The following CENPF variants were observed in gnomAD, a reference collection of about 807,000 sequenced individuals.
CENPF encodes AH antigen.
CENPF carries 214 observed loss-of-function variants against 307.3 expected under a neutral mutation model. The observed-to-expected ratio is 0.70, with a 90% CI of 0.62 to 0.78. The LOEUF (loss-of-function observed/expected upper bound fraction) is 0.78, where lower values mean the gene tolerates loss of function less well. CENPF is among the 30% of genes least tolerant of loss of function. CENPF has a pLI of 0.00. For missense variants in CENPF, 3,401 were observed against 3,483.9 expected, an observed-to-expected ratio of 0.98 and a Z score of 0.60; for synonymous variants, 1,259 against 1,270.6, an observed-to-expected ratio of 0.99 and a Z score of 0.19.
rs1384795134 is a variant in CENPF at position 214,641,822 on chromosome 1, A to G, written c.3484A>G (p.Thr1162Ala). ...TGAACAGCTGATGAAGGTAATGAAG[A>G]CTAAACATGAATGTCAAAATCTAGA... ...ENEQLMKVMK[T>A]KHECQNLESE... is the part of the protein sequence containing the mutation. Residue 1162 changes from threonine (T) to alanine (A), a missense_variant, in exon 12 of 20, where the codon ACT becomes GCT. Physicochemically the swap from Thr to Ala is moderately conservative, Grantham distance 58. Coordinates refer to ENST00000366955, the MANE Select transcript of CENPF (RefSeq NM_016343.4). 6.2e-7 allele frequency: 1 copy of G among 1,608,978 alleles called. No individual in the cohort carries two copies. Among genetic ancestry groups the G allele is most frequent in the South Asian group, 1.1e-5 (1 of 89,430 alleles).
rs187185506 is a variant in CENPF at position 214,647,933 on chromosome 1, T to C, written c.7830+533T>C. On this transcript the variant is annotated intron_variant, in intron 13 of 19. Coordinates refer to ENST00000366955, the MANE Select transcript of CENPF (RefSeq NM_016343.4). ...GATTTCGTGCTTTCAGTCCCTCTTA[T>C]ACCTTCTCTTTGTGCAGTCTTCTAT... 6.9e-4 allele frequency: 339 copies of C among 488,668 alleles called. 1 individual carries two copies. The highest frequency in any genetic ancestry group is 1.1e-3 in the Non-Finnish European group (271 of 242,272). The allele number at this position is 488,668 out of a possible 1,614,324, so 30.3% of individuals were successfully genotyped here. A position where few individuals can be genotyped will look rare whatever the true frequency, so the allele number is the denominator to read the frequency against.
chr1:214,645,492 C>G lies in CENPF; in HGVS notation c.5922C>G (p.Thr1974=), dbSNP rs368250246. The change falls in exon 13 of 20, where the codon ACC becomes ACG. Residue 1974 remains threonine, a synonymous_variant. Coordinates refer to ENST00000366955, the MANE Select transcript of CENPF (RefSeq NM_016343.4). ...AATTAGATACTATGTCAAAAAAAAC[C>G]ACGGCACTGGATCAGTTGTCTGAAA... ...RGELDTMSKK[T]TALDQLSEKM... 92 of 1,613,620 alleles carry G rather than the reference C, an allele frequency of 5.7e-5. 1 individual carries two copies. Among genetic ancestry groups the G allele is most frequent in the Middle Eastern group, 3.3e-4 (2 of 6,084 alleles).
In CENPF at chr1:214,647,055, T is replaced by G; in HGVS notation, c.7485T>G (p.Asn2495Lys). The change falls in exon 13 of 20, where the codon AAT becomes AAG. Residue 2495 changes from asparagine (N) to lysine (K), a missense_variant. Physicochemically the swap from Asn to Lys is moderately conservative, Grantham distance 94. Coordinates refer to ENST00000366955, the MANE Select transcript of CENPF (RefSeq NM_016343.4). ...AAGGCCTTGATGAGGCCAAAAATAA[T>G]TATATTGTTTTGCAATCTTCAGTGA... ...LLQGLDEAKN[N>K]YIVLQSSVNG... is the part of the protein sequence containing the mutation. 6.2e-7 allele frequency: 1 copy of G among 1,614,018 alleles called. No homozygotes were observed. Among genetic ancestry groups the G allele is most frequent in the Non-Finnish European group, 8.5e-7 (1 of 1,179,984 alleles).
Position 214,646,045 on chromosome 1 carries a change from C to T in CENPF, c.6475C>T (p.Leu2159Phe), listed in dbSNP as rs760962607. ...NDSLKDKVEN[L>F]ERELQMSEEN... Reference sequence around the variant, plus strand: ...TTCACTTAAGGATAAAGTTGAGAACCTTGAAAGGGAATTGCAGATGTCAGA... The same window carrying T: ...TTCACTTAAGGATAAAGTTGAGAACTTTGAAAGGGAATTGCAGATGTCAGA... Residue 2159 changes from leucine to phenylalanine, a missense_variant, in exon 13 of 20, where the codon CTT becomes TTT. Leu to Phe is a conservative substitution (Grantham distance 22). Coordinates refer to ENST00000366955, the MANE Select transcript of CENPF (RefSeq NM_016343.4). 6.2e-7 allele frequency: 1 copy of T among 1,614,036 alleles called. No individual in the cohort carries two copies. Among genetic ancestry groups the T allele is most frequent in the African/African-American group, 1.3e-5 (1 of 75,018 alleles).
At chr1:214,625,066 G>A (rs1156748815) in intron 7 of CENPF, among the ~76,000 whole-genome samples, 1 of 151,848 alleles carries the variant, frequency 6.6e-6, no homozygotes, top group African/African-American at 2.4e-5. Flanking sequence ...AGTCTACTTT[G>A]TCTGTTATTA....
In CENPF at chr1:214,657,026, A is replaced by C. The variant is rs370367881; in HGVS notation, c.8579A>C (p.Tyr2860Ser). ...LEEKTKEADE[Y>S]LDKYCSLLIS... ...GAAAAAACCAAGGAGGCAGATGAAT[A>C]CTTGGATAAGTACTGTTCCTTGCTT... The change falls in exon 18 of 20, where the codon TAC (tyrosine) becomes TCC (serine). Residue 2860 changes from tyrosine to serine, a missense_variant. Transcript: ENST00000366955. The C allele has an allele frequency of 1.4e-5, 22 of 1,614,038 alleles. No homozygotes were observed. Among genetic ancestry groups the C allele is most frequent in the Non-Finnish European group, 1.9e-5 (22 of 1,179,950 alleles).
At position 214,647,011 on chromosome 1, in the gene CENPF, G is replaced by A; in HGVS notation, c.7441G>A (p.Glu2481Lys). 1 of 1,613,944 alleles carries A rather than the reference G, an allele frequency of 6.2e-7. No individual in the cohort carries two copies. The highest frequency in any genetic ancestry group is 1.1e-5 in the South Asian group (1 of 91,028). ...LSSQVECLEL[E>K]KAQLLQGLDE... ...TAGTCAAGTAGAGTGTCTTGAACTT[G>A]AGAAGGCTCAGTTGCTACAAGGCCT... The change falls in exon 13 of 20, where the codon GAG becomes AAG. Residue 2481 changes from glutamate to lysine, a missense_variant. Coordinates refer to ENST00000366955, the MANE Select transcript of CENPF (RefSeq NM_016343.4).
At position 214,641,158 on chromosome 1, in the gene CENPF, T is replaced by C. The variant is rs1162196711; in HGVS notation, c.2820T>C (p.Ser940=). ...AGAGCAACCATCTACTTGAAGACTC[T>C]CTAAAGGAGCTACAACTTTTATCCG... ...LKKSNHLLED[S]LKELQLLSET... Residue 940 remains serine, a synonymous_variant, in exon 12 of 20, where the codon TCT becomes TCC. Coordinates refer to ENST00000366955, the MANE Select transcript of CENPF (RefSeq NM_016343.4). The C allele has an allele frequency of 5.6e-6, 9 of 1,602,464 alleles. No homozygotes were observed. In the Admixed American group the frequency reaches 1.1e-4, roughly 19 times the overall value.
Position 214,650,201 on chromosome 1 carries a change from G to T in CENPF, c.7983+1374G>T, listed in dbSNP as rs540357045. Among the ~76,000 whole-genome samples, 223 of 152,244 alleles carry T rather than the reference G, an allele frequency of 1.5e-3. 2 individuals carry two copies. The highest frequency in any genetic ancestry group is 4.7e-3 in the African/African-American group (196 of 41,534). ...GTCAGCTATGCAACGACCAGGCAGT[G>T]GTGGGGAGCCTTCTAGGTCTAGAGA... On this transcript the variant is annotated intron_variant, in intron 14 of 19. Coordinates refer to ENST00000366955, the MANE Select transcript of CENPF (RefSeq NM_016343.4).
At position 214,629,177 on chromosome 1, in the gene CENPF, G is replaced by T; in HGVS notation, c.1194+6G>T. The T allele has an allele frequency of 1.2e-6, 2 of 1,600,672 alleles. No individual in the cohort carries two copies. The highest frequency in any genetic ancestry group is 1.1e-5 in the South Asian group (1 of 88,070). ...AAGAAAAGGAGTTTCAAGAGGTAAG[G>T]TAAATGGATTCATGAGGTGTTTGTC... On this transcript the variant is annotated splice_donor_region_variant and intron_variant, in intron 8 of 19. Transcript: ENST00000366955.
rs115683200 is a variant in CENPF, at chr1:214,632,287, A to T, written c.1324-193A>T. On this transcript the variant is annotated intron_variant, in intron 9 of 19. Coordinates refer to ENST00000366955, the MANE Select transcript of CENPF (RefSeq NM_016343.4). ...CCAGCCTCTTTCATCTCCTATATGC[A>T]GCCGCTGAGTGACGTCGCAAGGTCA... 1.4e-3 allele frequency among the ~76,000 whole-genome samples: 210 copies of T among 152,244 alleles called. 2 individuals are homozygous for T. The highest frequency in any genetic ancestry group is 4.9e-3 in the African/African-American group (203 of 41,528).
At chr1:214,611,873 C>A (rs1657209965) in intron 1 of CENPF, among the ~76,000 whole-genome samples, 1 of 152,164 alleles carries the variant, frequency 6.6e-6, no homozygotes, top group African/African-American at 2.4e-5. Context: ...ACTGAAGGAG[C>A]TTTTGGGCCA....
In CENPF at chr1:214,641,700, C is replaced by A. The variant is rs1161969633; in HGVS notation, c.3362C>A (p.Ser1121Tyr). ...RSEMTDNQNN[S>Y]KSEAGGLKQE... is the part of the protein sequence containing the mutation. ...GAGATGACAGATAACCAAAACAATTCTAAGAGCGAGGCTGGTGGTTTAAAG... is the reference window on the plus strand; with the variant it reads ...GAGATGACAGATAACCAAAACAATTATAAGAGCGAGGCTGGTGGTTTAAAG... The change falls in exon 12 of 20, where the codon TCT becomes TAT. Residue 1121 changes from serine to tyrosine, a missense_variant. Physicochemically the swap from Ser to Tyr is moderately radical, Grantham distance 144. Coordinates refer to ENST00000366955, the MANE Select transcript of CENPF (RefSeq NM_016343.4). The A allele has an allele frequency of 1.9e-6, 3 of 1,579,792 alleles. No homozygotes were observed. Among genetic ancestry groups the A allele is most frequent in the Non-Finnish European group, 2.6e-6 (3 of 1,166,320 alleles).
chr1:214,621,082 T>A, intron 6 of CENPF, 136 bp downstream of exon 6: 1 of 711,994 alleles, frequency 1.4e-6, no homozygotes, highest in South Asian at 1.9e-5. Flanking sequence ...AGACTGGTTA[T>A]GTGAAATATA....
intron 19 of CENPF, among the ~76,000 whole-genome samples, chr1:214,660,603 G>A (rs371100767): frequency 6.6e-6 from 1 of 152,118 alleles, no homozygotes; most frequent in Admixed American, 6.5e-5. Context: ...TTAGGGTCCC[G>A]ATATGGGCCA....
chr1:214,642,458 A>G lies in CENPF; in HGVS notation c.4120A>G (p.Asn1374Asp), dbSNP rs767313699. The part of the protein sequence containing the change: ...IPGGEFGEQP[N>D]EQHPVSLAPL... ...AGGAGGTGAATTTGGTGAACAACCA[A>G]ATGAACAGCACCCTGTGTCTTTGGC... Residue 1374 changes from asparagine to aspartate, a missense_variant, in exon 12 of 20, where the codon AAT becomes GAT. By Grantham distance (23) the Asn-to-Asp change is conservative. Transcript: ENST00000366955. The G allele has an allele frequency of 3.8e-6, 6 of 1,599,568 alleles. No individual in the cohort carries two copies. The highest frequency in any genetic ancestry group is 5.1e-6 in the Non-Finnish European group (6 of 1,173,034).
Position 214,655,323 on chromosome 1 carries a change from G to C in CENPF, c.8405G>C (p.Cys2802Ser). ...QGKMKLLIKS[C>S]KQLEEEKEIL... ...AAAATGAAGTTGTTGATCAAATCCT[G>C]TAAACAGCTGGAAGAGGAAAAGGAG... is the stretch of plus-strand genomic sequence containing the variant. The change falls in exon 17 of 20, where the codon TGT becomes TCT. Residue 2802 changes from cysteine to serine, a missense_variant. Cys to Ser is a moderately radical substitution (Grantham distance 112). Transcript: ENST00000366955. The C allele has an allele frequency of 1.9e-6, 3 of 1,610,210 alleles. No homozygotes were observed. Among genetic ancestry groups the C allele is most frequent in the Non-Finnish European group, 2.5e-6 (3 of 1,177,990 alleles).
chr1:214,616,747 C>T (rs552460068), intron 3 of CENPF, among the ~76,000 whole-genome samples: 1 of 152,098 alleles, frequency 6.6e-6, no homozygotes, highest in South Asian at 2.1e-4. Context: ...ATTGCCTCTT[C>T]TCAGATTAAA....
At chr1:214,619,333 T>C (rs1455789681) in intron 5 of CENPF, 113 bp downstream of exon 5, 7 of 562,930 alleles carry the variant, frequency 1.2e-5, no homozygotes, top group Non-Finnish European at 2.2e-5. Context: ...TTTTTGTGTG[T>C]GTGTGTGCTG....
Sources: gnomAD v4.1 joint callset for allele counts (sites outside exome capture counted in the v4.1 genomes callset) on GRCh38, gnomAD v4.1.1 for gene constraint, MANE v1.5 for transcripts, NCBI Gene and HGNC (gene_info 2026-07-23, HGNC 2026-07-21) for gene names.